CNNM2: variants seen among roughly 807,000 people sequenced by gnomAD.
The protein encoded by CNNM2 is metal transporter CNNM2.
CNNM2 carries 12 observed loss-of-function variants against 66.9 expected under a neutral mutation model. The observed-to-expected ratio is 0.18, with a 90% CI of 0.11 to 0.29. CNNM2 has a LOEUF of 0.29. Ranked by LOEUF, CNNM2 falls within the 10% of genes least tolerant of loss-of-function variation. The probability of loss-of-function intolerance (pLI) is 1.00; values close to 1 mark genes in which losing one functional copy is unlikely to be tolerated. For missense variants in CNNM2, 705 were observed against 1,167.7 expected (o/e 0.60, Z 5.77); for synonymous variants, 557 against 501.8 (o/e 1.11, Z -1.47).
chr10:102,928,391 G>A (rs1314563221), intron 1 of CNNM2, among the ~76,000 whole-genome samples: 1 of 151,818 alleles, frequency 6.6e-6, no homozygotes, highest in Non-Finnish European at 1.5e-5. Context: ...CACCAGCCTG[G>A]CCAACATGAT....
rs148795286 is a variant in CNNM2 at position 102,944,581 on chromosome 10, C to CGTGT, written c.1621+24513_1621+24516dup. On this transcript the variant is annotated intron_variant, in intron 1 of 7. Coordinates refer to ENST00000369878, the MANE Select transcript of CNNM2 (RefSeq NM_017649.5). ...ATATTTTGCCATATTTGTATCTTTT[C>CGTGT]GTGTGTGTGTGTGTGTGTGTGTGTG... 0.27 allele frequency among the ~76,000 whole-genome samples: 38,560 copies of CGTGT among 143,220 alleles called. 5,273 individuals are homozygous for CGTGT. The highest frequency in any genetic ancestry group is 0.35 in the East Asian group (1,686 of 4,852). The allele number at this position is 143,220 out of a possible 152,430, so 94.0% of individuals were successfully genotyped here.
At chr10:102,978,293 TC>T (rs1290034569) in intron 1 of CNNM2, among the ~76,000 whole-genome samples, 4 of 151,228 alleles carry the variant, frequency 2.6e-5, no homozygotes, top group African/African-American at 4.9e-5. Context: ...TTTCCTCTTC[TC>T]CCCGCCCTCT....
At chr10:102,931,686 A>G (rs2134167130) in intron 1 of CNNM2, among the ~76,000 whole-genome samples, 1 of 152,142 alleles carries the variant, frequency 6.6e-6, no homozygotes, top group East Asian at 1.9e-4. Context: ...TCTCTTGGAT[A>G]TATACACGGG....
At chr10:103,045,638 A>G (rs1288515651) in intron 1 of CNNM2, among the ~76,000 whole-genome samples, 1 of 151,752 alleles carries the variant, frequency 6.6e-6, no homozygotes, top group Non-Finnish European at 1.5e-5. Context: ...AACAAAAATT[A>G]TACAAAAATT....
chr10:102,979,089 C>G (rs1468128400), intron 1 of CNNM2, among the ~76,000 whole-genome samples: 9 of 152,130 alleles, frequency 5.9e-5, no homozygotes, highest in Admixed American at 5.9e-4. Context: ...CTTGGACATT[C>G]TAGTACGAGT....
intron 6 of CNNM2, 45 bp from the exon 7 acceptor site, chr10:103,076,041 G>A (rs369463832): frequency 6.6e-7 from 1 of 1,519,338 alleles, no homozygotes; most frequent in East Asian, 2.3e-5. Flanking sequence ...TTTATTGGCT[G>A]TATCTACTTC....
At chr10:103,003,630 C>A (rs1466341526) in intron 1 of CNNM2, among the ~76,000 whole-genome samples, 1 of 151,908 alleles carries the variant, frequency 6.6e-6, no homozygotes, top group Non-Finnish European at 1.5e-5. Flanking sequence ...TTGAGACCAG[C>A]CTGGCTAACA....
chr10:102,982,467 G>T (rs1460671232), intron 1 of CNNM2, among the ~76,000 whole-genome samples: 2 of 152,194 alleles, frequency 1.3e-5, no homozygotes, highest in Non-Finnish European at 2.9e-5. Flanking sequence ...TATTTGAAGT[G>T]TGTTCCTTCT....
chr10:102,988,709 C>A (rs2063842996), intron 1 of CNNM2, among the ~76,000 whole-genome samples: 1 of 152,096 alleles, frequency 6.6e-6, no homozygotes, highest in Non-Finnish European at 1.5e-5. Flanking sequence ...CACACCCTAT[C>A]TTTTGGGCAC....
At chr10:102,967,735 G>A (rs548640844) in intron 1 of CNNM2, among the ~76,000 whole-genome samples, 12 of 152,218 alleles carry the variant, frequency 7.9e-5, no homozygotes, top group South Asian at 6.2e-4. Context: ...AAGGCTGGGC[G>A]CGGGAGCTCA....
chr10:103,004,494 CTG>C (rs1489363698), intron 1 of CNNM2, among the ~76,000 whole-genome samples: 1 of 152,174 alleles, frequency 6.6e-6, no homozygotes, highest in Non-Finnish European at 1.5e-5. Context: ...GCTTCTCAAA[CTG>C]TATTGTGCAC....
chr10:102,964,128 G>A (rs1379257612), intron 1 of CNNM2, among the ~76,000 whole-genome samples: 1 of 152,174 alleles, frequency 6.6e-6, no homozygotes, highest in Non-Finnish European at 1.5e-5. Flanking sequence ...TACACTCAGA[G>A]TCTGCAGTCT....
Position 103,089,901 on chromosome 10 carries a change from T to C in CNNM2, c.*12721T>C, listed in dbSNP as rs1169468160. 2 of 1,600,302 alleles carry C rather than the reference T, an allele frequency of 1.2e-6. No individual in the cohort carries two copies. The highest frequency in any genetic ancestry group is 1.3e-5 in the African/African-American group (1 of 74,506). On this transcript the variant is annotated 3_prime_UTR_variant, in exon 8 of 8. Coordinates refer to ENST00000369878, the MANE Select transcript of CNNM2 (RefSeq NM_017649.5). ...GTGTGTGTGCTCCACCGTTGATTCATGAGGCATCTAGACAGAAAAAAGCTA... is the reference window on the plus strand; with the variant it reads ...GTGTGTGTGCTCCACCGTTGATTCACGAGGCATCTAGACAGAAAAAAGCTA...
At chr10:103,046,455 C>T (rs2065128332) in intron 1 of CNNM2, among the ~76,000 whole-genome samples, 1 of 152,138 alleles carries the variant, frequency 6.6e-6, no homozygotes, top group Non-Finnish European at 1.5e-5. Context: ...CAACCTGTGA[C>T]ATAAATGGGT....
chr10:102,935,726 T>G (rs1163234796), intron 1 of CNNM2, among the ~76,000 whole-genome samples: 1 of 141,890 alleles, frequency 7.0e-6, no homozygotes, highest in Non-Finnish European at 1.5e-5. Context: ...TCCTCCCGCC[T>G]CAGCCTGCCA....
At chr10:103,061,141 C>A (rs2065379708) in intron 4 of CNNM2, among the ~76,000 whole-genome samples, 1 of 152,092 alleles carries the variant, frequency 6.6e-6, no homozygotes, top group Non-Finnish European at 1.5e-5. Flanking sequence ...TTGCACCTGT[C>A]CAGCACTTTG....
In CNNM2 at chr10:102,918,350, C is replaced by T; in HGVS notation, c.-131C>T. 1 of 1,429,004 alleles carries T rather than the reference C, an allele frequency of 7.0e-7. No homozygotes were observed. Among genetic ancestry groups the T allele is most frequent in the African/African-American group, 1.5e-5 (1 of 67,858 alleles). The allele number at this position is 1,429,004 out of a possible 1,614,324, so 88.5% of individuals were successfully genotyped here. A position where few individuals can be genotyped will look rare whatever the true frequency, so the allele number is the denominator to read the frequency against. ...GTTCCTCAGCTGGCTGAGGTGGAGT[C>T]AGTGTCAGTCAGGGAGGCGAACTGC... is the stretch of plus-strand genomic sequence containing the variant. On this transcript the variant is annotated 5_prime_UTR_variant, in exon 1 of 8. Transcript: ENST00000369878. This position sits in a 1 kb window ranked among gnomAD's most constrained non-coding sequence, Gnocchi z 4.1.
intron 1 of CNNM2, among the ~76,000 whole-genome samples, chr10:103,015,549 T>C (rs890339763): frequency 2.6e-5 from 4 of 152,304 alleles, no homozygotes; most frequent in African/African-American, 9.6e-5. Context: ...AGTACCTTTG[T>C]GTGAATTAAC....
intron 5 of CNNM2, among the ~76,000 whole-genome samples, chr10:103,069,944 G>A (rs995169730): frequency 2.6e-5 from 4 of 152,214 alleles, no homozygotes; most frequent in Non-Finnish European, 4.4e-5. Context: ...CTGTTTCTGT[G>A]ACATTGGTCT....
Sources: allele counts gnomAD v4.1 joint callset (sites outside exome capture counted in the v4.1 genomes callset), GRCh38; gene constraint gnomAD v4.1.1; non-coding constraint Gnocchi (gnomAD v3.1); transcripts MANE v1.5; gene names NCBI Gene and HGNC (gene_info 2026-07-23, HGNC 2026-07-21).